GLDC: variants seen among roughly 807,000 people sequenced by gnomAD.
GLDC encodes glycine decarboxylase.
In GLDC, 104 loss-of-function variants were observed where a neutral mutation model predicts 121.3. That is an observed-to-expected ratio of 0.86 (90% confidence interval 0.73 to 1.01). The LOEUF (loss-of-function observed/expected upper bound fraction) is 1.01. GLDC is among the 50% of genes least tolerant of loss of function. The pLI, the probability that GLDC is intolerant of heterozygous loss-of-function variation, is 0.00. For synonymous variants in GLDC, 546 were observed against 480.6 expected (o/e 1.14, Z -1.78); for missense variants, 1,429 against 1,306.6 (o/e 1.09, Z -1.44).
chr9:6,602,164 G>C lies in GLDC; in HGVS notation c.1100C>G (p.Thr367Ser), dbSNP rs1183976692. ...GTCTCTCCGAATGTGTTGCTCCCTGGTTTGAAGAGCAAGACGATACACTTC... is the reference window on the plus strand; with the variant it reads ...GTCTCTCCGAATGTGTTGCTCCCTGCTTTGAAGAGCAAGACGATACACTTC... ...GKEVYRLALQ[T>S]REQHIRRDKA... is the part of the protein sequence containing the mutation. The change falls in exon 8 of 25, where the codon ACC (threonine) becomes AGC (serine). Residue 367 changes from threonine (T) to serine (S), a missense_variant. Physicochemically the swap from Thr to Ser is moderately conservative, Grantham distance 58 (BLOSUM62 1). Coordinates refer to ENST00000321612, the MANE Select transcript of GLDC (RefSeq NM_000170.3). 1.2e-6 allele frequency: 2 copies of C among 1,613,346 alleles called. No individual in the cohort carries two copies. The highest frequency in any genetic ancestry group is 1.7e-6 in the Non-Finnish European group (2 of 1,179,408).
intron 3 of GLDC, among the ~76,000 whole-genome samples, chr9:6,615,016 T>C (rs1818940185): frequency 6.6e-6 from 1 of 152,222 alleles, no homozygotes; most frequent in Non-Finnish European, 1.5e-5. Flanking sequence ...AATCTGTCAC[T>C]GACCAAAATA....
intron 2 of GLDC, among the ~76,000 whole-genome samples, chr9:6,630,216 C>T (rs1308330624): frequency 1.3e-5 from 2 of 151,824 alleles, no homozygotes; most frequent in Non-Finnish European, 2.9e-5. Context: ...TTGCAGTGAG[C>T]CGAGATCGTG....
In GLDC at chr9:6,550,089, G is replaced by A. The variant is rs895845370; in HGVS notation, c.2569+714C>T. Among the ~76,000 whole-genome samples the A allele has an allele frequency of 2.6e-5, 4 of 152,146 alleles. No homozygotes were observed. The South Asian group carries it at 6.2e-4, about 24-fold the overall frequency. On this transcript the variant is annotated intron_variant, in intron 21 of 24. Coordinates refer to ENST00000321612, the MANE Select transcript of GLDC (RefSeq NM_000170.3). ...GCTTACTCAGGCTCTCATCGGCTAC[G>A]CTGGCTTCCAGGCCCATCTCAAATG...
At position 6,564,658 on chromosome 9, in the gene GLDC, G is replaced by A. The variant is rs80268212; in HGVS notation, c.1926+696C>T. ...CATAGCACTGGCCATCAAAATGAAG[G>A]AACCAGGAACACAGGCCTCCTCTGG... On this transcript the variant is annotated intron_variant, in intron 16 of 24. Transcript: ENST00000321612. Among the ~76,000 whole-genome samples the A allele has an allele frequency of 7.3e-3, 1,106 of 152,280 alleles. 10 individuals carry two copies. Among genetic ancestry groups the A allele is most frequent in the Non-Finnish European group, 0.011 (720 of 68,030 alleles).
At chr9:6,552,735 G>A (rs1031678848) in intron 20 of GLDC, among the ~76,000 whole-genome samples, 5 of 152,148 alleles carry the variant, frequency 3.3e-5, no homozygotes, top group Non-Finnish European at 5.9e-5. Flanking sequence ...AGTCCAGGAG[G>A]TGGGCAGGGC....
chr9:6,588,589 A>T, intron 13 of GLDC, 29 bp downstream of exon 13: 1 of 1,560,188 alleles, frequency 6.4e-7, no homozygotes, highest in Non-Finnish European at 8.8e-7. Flanking sequence ...GGTAGCTTGG[A>T]AATGAGAAAA....
chr9:6,635,367 A>G (rs560221953), intron 2 of GLDC, among the ~76,000 whole-genome samples: 2 of 152,204 alleles, frequency 1.3e-5, no homozygotes, highest in Admixed American at 6.5e-5. Flanking sequence ...ACACCAATCC[A>G]AAAACCAAAA....
At chr9:6,575,963 G>A (rs1226279112) in intron 15 of GLDC, among the ~76,000 whole-genome samples, 8 of 152,146 alleles carry the variant, frequency 5.3e-5, no homozygotes, top group South Asian at 4.1e-4. Flanking sequence ...AACCCTCCCC[G>A]GGGTTTATGG....
At chr9:6,550,330 C>A (rs2129703284) in intron 21 of GLDC, among the ~76,000 whole-genome samples, 1 of 152,232 alleles carries the variant, frequency 6.6e-6, no homozygotes, top group Non-Finnish European at 1.5e-5. Context: ...AAACAGTTAA[C>A]TAAAGTGGTG....
At chr9:6,601,359 A>G (rs1418001230) in intron 8 of GLDC, among the ~76,000 whole-genome samples, 1 of 152,134 alleles carries the variant, frequency 6.6e-6, no homozygotes, top group Non-Finnish European at 1.5e-5. Context: ...ACCTGGCCCA[A>G]CGCCAAGAAT....
chr9:6,609,374 C>A (rs1346323781), intron 4 of GLDC, among the ~76,000 whole-genome samples: 1 of 152,066 alleles, frequency 6.6e-6, no homozygotes, highest in East Asian at 1.9e-4. Context: ...ATGGCACTTC[C>A]ATGTAAGTGC....
At chr9:6,550,032 C>G (rs1004703016) in intron 21 of GLDC, among the ~76,000 whole-genome samples, 2 of 152,162 alleles carry the variant, frequency 1.3e-5, no homozygotes, top group Non-Finnish European at 2.9e-5. Context: ...GACCAGAGAG[C>G]TTTCTTTTCT....
At chr9:6,594,930 G>A in intron 9 of GLDC, 84 bp downstream of exon 9, 2 of 837,192 alleles carry the variant, frequency 2.4e-6, no homozygotes, top group Middle Eastern at 3.3e-4. Context: ...TTTGCATATA[G>A]TATTGGACAT....
At chr9:6,577,083 T>G (rs1371167995) in intron 15 of GLDC, among the ~76,000 whole-genome samples, 1 of 152,178 alleles carries the variant, frequency 6.6e-6, no homozygotes. Context: ...AACAAAAGCC[T>G]TCTGTGCGCA....
intron 3 of GLDC, among the ~76,000 whole-genome samples, chr9:6,613,452 T>A (rs944070524): frequency 1.3e-5 from 2 of 152,186 alleles, no homozygotes; most frequent in Non-Finnish European, 2.9e-5. Context: ...ATAGCGAGAC[T>A]CTGTCTCTAC....
At chr9:6,556,603 G>A (rs973436604) in intron 17 of GLDC, among the ~76,000 whole-genome samples, 1 of 152,078 alleles carries the variant, frequency 6.6e-6, no homozygotes, top group Non-Finnish European at 1.5e-5. Context: ...GACCAGCCTG[G>A]CCAACATGGT....
chr9:6,548,939 C>T (rs1038603943), intron 21 of GLDC, among the ~76,000 whole-genome samples: 1 of 152,152 alleles, frequency 6.6e-6, no homozygotes, highest in Admixed American at 6.5e-5. Context: ...CAGCCCCCTC[C>T]TCCTTCACTA....
Position 6,629,945 on chromosome 9 carries a change from G to GTATA in GLDC, c.335-9630_335-9627dup, listed in dbSNP as rs1390480265. 4.3e-5 allele frequency among the ~76,000 whole-genome samples: 2 copies of GTATA among 46,828 alleles called. 1 individual carries two copies. The highest frequency in any genetic ancestry group is 2.7e-4 in the African/African-American group (2 of 7,386). 30.7% of individuals were successfully genotyped at this position (46,828 alleles called of 152,430 possible). On this transcript the variant is annotated intron_variant, in intron 2 of 24. Coordinates refer to ENST00000321612, the MANE Select transcript of GLDC (RefSeq NM_000170.3). ...TGCTTTTCACTATATATATATATAT[G>GTATA]TATATATATATATTTTTTTTTTTTA... is the stretch of plus-strand genomic sequence containing the variant.
chr9:6,612,916 A>G (rs1275466661), intron 3 of GLDC, among the ~76,000 whole-genome samples: 1 of 152,172 alleles, frequency 6.6e-6, no homozygotes, highest in African/African-American at 2.4e-5. Context: ...GCAATGAGCC[A>G]TGATCACGCC....
Sources: gnomAD v4.1 joint callset for allele counts (sites outside exome capture counted in the v4.1 genomes callset) on GRCh38, gnomAD v4.1.1 for gene constraint, MANE v1.5 for transcripts, NCBI Gene and HGNC (gene_info 2026-07-23, HGNC 2026-07-21) for gene names.